Variants in VAV3 observed in about 807,000 individuals in gnomAD.
The protein encoded by VAV3 is vav guanine nucleotide exchange factor 3.
In VAV3, 94 loss-of-function variants were observed where a neutral mutation model predicts 131.2. The observed-to-expected ratio is 0.72, with a 90% CI of 0.61 to 0.85. The LOEUF (loss-of-function observed/expected upper bound fraction) is 0.85, where lower values mean the gene tolerates loss of function less well. VAV3 is among the 40% of genes least tolerant of loss of function. VAV3 has a pLI of 0.00. For missense variants in VAV3, 939 were observed against 1,002.7 expected (o/e 0.94, Z 0.86); for synonymous variants, 349 against 342.0 (o/e 1.02, Z -0.22).
At chr1:107,768,148 C>A (rs1010237406) in intron 7 of VAV3, among the ~76,000 whole-genome samples, 20 of 152,044 alleles carry the variant, frequency 1.3e-4, no homozygotes, top group African/African-American at 4.8e-4. Context: ...GGAAGTGGAT[C>A]CCCAGATTAT....
chr1:107,958,928 T>C (rs976833657), intron 1 of VAV3, among the ~76,000 whole-genome samples: 3 of 152,124 alleles, frequency 2.0e-5, no homozygotes, highest in Non-Finnish European at 4.4e-5. Context: ...AAAGAGCTCT[T>C]TCAATAGGTA....
At chr1:107,754,424 C>G (rs1663975922) in intron 12 of VAV3, among the ~76,000 whole-genome samples, 1 of 152,168 alleles carries the variant, frequency 6.6e-6, no homozygotes, top group South Asian at 2.1e-4. Context: ...TGAAACTGCT[C>G]TACCAAAAAT....
chr1:107,582,550 T>C (rs1407807552), intron 25 of VAV3, among the ~76,000 whole-genome samples: 1 of 145,864 alleles, frequency 6.9e-6, no homozygotes, highest in Admixed American at 6.8e-5. Context: ...CTCCCAATGC[T>C]ATCCCTCCCC....
rs1663577428 is a variant in VAV3, at chr1:107,749,561, T to C, written c.1293A>G (p.Val431=). 6.2e-7 allele frequency: 1 copy of C among 1,611,542 alleles called. No individual in the cohort carries two copies. The highest frequency in any genetic ancestry group is 1.1e-5 in the South Asian group (1 of 90,614). Residue 431 remains valine, a synonymous_variant, in exon 14 of 27, where the codon GTA becomes GTG. Transcript: ENST00000370056. ...CATAGTTATCACCTTTTCTCTTACA[T>C]ACGATCACTGCCAAATCAAATAAGA... ...HIFLFDLAVI[V]CKRKGDNYEM... is the part of the protein sequence containing the mutation.
At chr1:107,794,123 C>G (rs886521446) in intron 2 of VAV3, among the ~76,000 whole-genome samples, 1 of 152,266 alleles carries the variant, frequency 6.6e-6, no homozygotes, top group Non-Finnish European at 1.5e-5. Context: ...TGGTTGAAAA[C>G]TGACCCAGAA....
chr1:107,745,687 T>A (rs1663299679), intron 15 of VAV3, among the ~76,000 whole-genome samples: 1 of 152,228 alleles, frequency 6.6e-6, no homozygotes, highest in African/African-American at 2.4e-5. Flanking sequence ...TTTAGAGGCT[T>A]AACATAGTAT....
chr1:107,888,455 TTTTG>T (rs1180955864), intron 1 of VAV3, among the ~76,000 whole-genome samples: 1 of 152,206 alleles, frequency 6.6e-6, no homozygotes, highest in East Asian at 1.9e-4. Context: ...CTGAGACACT[TTTTG>T]TTTGTTTGTG....
chr1:107,798,291 G>A (rs560513345), intron 2 of VAV3, among the ~76,000 whole-genome samples: 2 of 152,240 alleles, frequency 1.3e-5, no homozygotes, highest in South Asian at 2.1e-4. Flanking sequence ...TACAAAGGAC[G>A]ATGCCTGTGT....
chr1:107,840,301 AT>A (rs1292410276), intron 2 of VAV3, among the ~76,000 whole-genome samples: 1 of 152,168 alleles, frequency 6.6e-6, no homozygotes, highest in Non-Finnish European at 1.5e-5. Flanking sequence ...GCTAGAAAGC[AT>A]TTAGGTCACT....
intron 4 of VAV3, among the ~76,000 whole-genome samples, chr1:107,776,900 A>AT (rs1279460752): frequency 6.6e-6 from 1 of 152,192 alleles, no homozygotes; most frequent in African/African-American, 2.4e-5. Flanking sequence ...GGCATGCACT[A>AT]TGTGTCCCAC....
intron 21 of VAV3, among the ~76,000 whole-genome samples, chr1:107,614,443 C>T (rs1652992623): frequency 6.6e-6 from 1 of 151,824 alleles, no homozygotes; most frequent in African/African-American, 2.4e-5. Context: ...TCTTCAAATT[C>T]CCCTCTATTT....
Position 107,844,492 on chromosome 1 carries a change from G to A in VAV3, c.321+30409C>T, listed in dbSNP as rs1009291058. ...CGGAAACATTCACTCTCCTGGAAAG[G>A]GGGCTGAAGCCAGGAAGCCGAGTGG... On this transcript the variant is annotated intron_variant, in intron 2 of 26. Transcript: ENST00000370056. Among the ~76,000 whole-genome samples, 4 of 152,086 alleles carry A rather than the reference G, an allele frequency of 2.6e-5. 1 individual carries two copies. The highest frequency in any genetic ancestry group is 4.8e-5 in the African/African-American group (2 of 41,412).
rs529237212 is a variant in VAV3, at chr1:107,748,642, A to G, written c.1502+326T>C. 1.1e-3 allele frequency among the ~76,000 whole-genome samples: 164 copies of G among 152,340 alleles called. 1 individual carries two copies. In the South Asian group the frequency reaches 0.011, roughly 10 times the overall value. On this transcript the variant is annotated intron_variant, in intron 15 of 26. Transcript: ENST00000370056. ...TATAATTTAAAAATATAGTTATTAC[A>G]TAAAAAGTTTATCATTAGAATAATT... is the stretch of plus-strand genomic sequence containing the variant.
rs1252086220 is a variant in VAV3 at position 107,596,361 on chromosome 1, A to G, written c.2221-20T>C. The G allele has an allele frequency of 5.0e-6, 8 of 1,610,510 alleles. No homozygotes were observed. Among genetic ancestry groups the G allele is most frequent in the Non-Finnish European group, 6.8e-6 (8 of 1,178,258 alleles). On this transcript the variant is annotated intron_variant, in intron 24 of 26. Transcript: ENST00000370056. The stretch of plus-strand genomic sequence containing the variant: ...AAGTTCCTTTGGAAAAAAGAATCCA[A>G]CATATTTTTGATAAGGATACTTTTG...
intron 2 of VAV3, among the ~76,000 whole-genome samples, chr1:107,842,156 A>G (rs1168296842): frequency 1.3e-5 from 2 of 152,202 alleles, no homozygotes; most frequent in African/African-American, 4.8e-5. Context: ...TCATACTTAT[A>G]TTGTCTACCT....
At chr1:107,804,656 A>G (rs1666977278) in intron 2 of VAV3, among the ~76,000 whole-genome samples, 2 of 152,234 alleles carry the variant, frequency 1.3e-5, no homozygotes, top group African/African-American at 4.8e-5. Flanking sequence ...GATTCATACT[A>G]AAGTTATGAG....
intron 2 of VAV3, among the ~76,000 whole-genome samples, chr1:107,812,036 T>A (rs1051392514): frequency 3.9e-4 from 59 of 152,176 alleles, no homozygotes; most frequent in Non-Finnish European, 1.0e-4. Context: ...ACAGCCTCTA[T>A]AACAGCAAGC....
At chr1:107,729,738 C>T (rs1202172278) in intron 15 of VAV3, among the ~76,000 whole-genome samples, 3 of 152,000 alleles carry the variant, frequency 2.0e-5, no homozygotes, top group Non-Finnish European at 4.4e-5. Context: ...GAATACAATG[C>T]TAATGTCAGA....
At chr1:107,643,841 C>G (rs569765582) in intron 19 of VAV3, among the ~76,000 whole-genome samples, 1 of 152,246 alleles carries the variant, frequency 6.6e-6, no homozygotes, top group East Asian at 1.9e-4. Flanking sequence ...TGGCTATAAA[C>G]TGAACAGACT....
Sources: allele counts gnomAD v4.1 joint callset (sites outside exome capture counted in the v4.1 genomes callset), GRCh38; gene constraint gnomAD v4.1.1; transcripts MANE v1.5; gene names NCBI Gene and HGNC (gene_info 2026-07-23, HGNC 2026-07-21).